Variants in ALDH3B2 observed in about 807,000 individuals in gnomAD.
ALDH3B2 encodes the protein aldehyde dehydrogenase family 3 member B2.
A neutral mutation model predicts 36.7 loss-of-function variants in ALDH3B2; 45 were observed. That is an observed-to-expected ratio of 1.23 (90% CI 0.97 to 1.57). The LOEUF is 1.57. Among genes scored for constraint, ALDH3B2 ranks in the 40% most tolerant of loss-of-function variants. The pLI is 0.00. For missense variants in ALDH3B2, 464 were observed against 513.3 expected, an observed-to-expected ratio of 0.90 and a Z score of 0.93; for synonymous variants, 217 against 226.5, an observed-to-expected ratio of 0.96 and a Z score of 0.38.
chr11:67,672,624 T>C (rs1856159538), intron 1 of ALDH3B2, among the ~76,000 whole-genome samples: 1 of 151,996 alleles, frequency 6.6e-6, no homozygotes, highest in African/African-American at 2.4e-5. Flanking sequence ...AGTCTCATTC[T>C]GTCACCCAGG....
At chr11:67,664,092 T>G in intron 8 of ALDH3B2, 1 of 562,330 alleles carries the variant, frequency 1.8e-6, no homozygotes, top group Non-Finnish European at 3.2e-6. Context: ...AGGCCCCTGC[T>G]CTGCTCTGTC....
chr11:67,673,479 A>T (rs1340839636), intron 1 of ALDH3B2, among the ~76,000 whole-genome samples: 1 of 152,206 alleles, frequency 6.6e-6, no homozygotes, highest in Non-Finnish European at 1.5e-5. Flanking sequence ...GGGAAGCCGT[A>T]GGGGAGGGCC....
chr11:67,676,600 G>T (rs1856277655), upstream of ALDH3B2, among the ~76,000 whole-genome samples: 1 of 151,748 alleles, frequency 6.6e-6, no homozygotes, highest in African/African-American at 2.4e-5. Context: ...AAATAACCAA[G>T]ATTAGAGCAG....
exon 10 of ALDH3B2, chr11:67,663,099 G>T: frequency 7.8e-7 from 1 of 1,288,206 alleles, no homozygotes; most frequent in Non-Finnish European, 1.1e-6. Context: ...GACAGCTCCA[G>T]CAACCTGAGG....
Position 67,663,449 on chromosome 11 carries a change from C to T in ALDH3B2, c.974-50G>A, listed in dbSNP as rs559217458. On this transcript the variant is annotated intron_variant, in intron 9 of 9. Transcript: ENST00000349015. ...CCTGAGACCAGGCAGCCCATGGAGC[C>T]CCAGCAGCAGCCCACTGCCCCGGCC... 1.2e-4 allele frequency: 189 copies of T among 1,574,698 alleles called. 1 individual carries two copies. The South Asian group carries it at 2.0e-3, about 17-fold the overall frequency.
At chr11:67,673,451 C>T (rs551990333) in intron 1 of ALDH3B2, among the ~76,000 whole-genome samples, 3 of 152,364 alleles carry the variant, frequency 2.0e-5, no homozygotes, top group South Asian at 4.1e-4. Context: ...AGACCCACCC[C>T]TGGCTCTGAC....
At chr11:67,663,396 T>C (rs1318689096) in exon 10 of ALDH3B2, 2 of 1,609,564 alleles carry the variant, frequency 1.2e-6, no homozygotes, top group Non-Finnish European at 1.7e-6. Context: ...CATCCCACTG[T>C]GGCCTGTGTG....
chr11:67,668,464 C>T (rs1285728281), intron 1 of ALDH3B2, among the ~76,000 whole-genome samples: 1 of 152,174 alleles, frequency 6.6e-6, no homozygotes, highest in Non-Finnish European at 1.5e-5. Flanking sequence ...TGCCAGGCAC[C>T]TAGCAACGGG....
chr11:67,678,765 G>A (rs1856316726), upstream of ALDH3B2, among the ~76,000 whole-genome samples: 4 of 145,470 alleles, frequency 2.7e-5, no homozygotes, highest in African/African-American at 5.1e-5. Flanking sequence ...ATATATACAC[G>A]CTATGGTATA....
intron 1 of ALDH3B2, chr11:67,671,068 C>T (rs1856096592): frequency 6.6e-6 from 1 of 152,554 alleles, no homozygotes; most frequent in Admixed American, 6.5e-5. Context: ...CTAACCTCTT[C>T]CATGGCTCCC....
chr11:67,663,312 A>T, exon 10 of ALDH3B2: 1 of 1,614,082 alleles, frequency 6.2e-7, no homozygotes, highest in Non-Finnish European at 8.5e-7. Context: ...TAATTTCTCC[A>T]GGCCGGAGGG....
chr11:67,667,027 G>C lies in ALDH3B2; in HGVS notation c.-81-11C>G. 6.5e-7 allele frequency: 1 copy of C among 1,548,772 alleles called. No individual in the cohort carries two copies. Among genetic ancestry groups the C allele is most frequent in the Non-Finnish European group, 8.9e-7 (1 of 1,123,252 alleles). On this transcript the variant is annotated splice_polypyrimidine_tract_variant and intron_variant, in intron 2 of 9. Coordinates refer to ENST00000349015, the Ensembl canonical transcript of ALDH3B2. ...TGCCTCGAAAGCTGGCTGTGGTGGA[G>C]GTGGAATTCAGAGTGGTCAGGCCCA...
upstream of ALDH3B2, among the ~76,000 whole-genome samples, chr11:67,675,411 T>C (rs1856246630): frequency 2.6e-5 from 4 of 152,296 alleles, no homozygotes; most frequent in South Asian, 8.3e-4. Context: ...CTGAGCACCT[T>C]CTAGGTTCCA....
Position 67,664,210 on chromosome 11 carries a change from G to C in ALDH3B2, c.873+186C>G, listed in dbSNP as rs57134963. 9.4e-3 allele frequency: 8,709 copies of C among 926,114 alleles called. 331 individuals are homozygous for C. In the African/African-American group the frequency reaches 0.095, roughly 10 times the overall value. The allele number at this position is 926,114 out of a possible 1,614,324, so 57.4% of individuals were successfully genotyped here. On this transcript the variant is annotated intron_variant, in intron 8 of 9. Coordinates refer to ENST00000349015, the Ensembl canonical transcript of ALDH3B2. ...GATGGACCCGCTAAGTGTCTGGTGG[G>C]TTTGGACCCTGTCCTCTCTGCCAGG... is the stretch of plus-strand genomic sequence containing the variant.
chr11:67,676,602 T>A (rs191743671), upstream of ALDH3B2, among the ~76,000 whole-genome samples: 1 of 151,204 alleles, frequency 6.6e-6, no homozygotes, highest in Admixed American at 6.6e-5. Context: ...ATAACCAAGA[T>A]TAGAGCAGAA....
exon 10 of ALDH3B2, chr11:67,662,700 C>T (rs1855776767): frequency 1.1e-5 from 2 of 174,240 alleles, no homozygotes; most frequent in Admixed American, 5.4e-5. Flanking sequence ...GTGCAGGGTG[C>T]GGTGTGAACC....
intron 7 of ALDH3B2, among the ~76,000 whole-genome samples, chr11:67,664,844 A>G (rs1049459849): frequency 2.8e-4 from 42 of 152,174 alleles, no homozygotes; most frequent in Admixed American, 2.7e-3. Flanking sequence ...AGAACCTTGG[A>G]GTTCATGAGG....
Position 67,662,676 on chromosome 11 carries a change from G to A in ALDH3B2, c.*539C>T, listed in dbSNP as rs114087729. 9.3e-3 allele frequency: 1,520 copies of A among 163,560 alleles called. 23 individuals carry two copies. Among genetic ancestry groups the A allele is most frequent in the African/African-American group, 0.034 (1,405 of 41,638 alleles). 10.1% of individuals were successfully genotyped at this position (163,560 alleles called of 1,614,324 possible). ...AACCCCAGTTTTCCCAGTGGATGGAGCTGCTGTGGGTGAGTGCAGGGTGCG... is the reference window on the plus strand; with the variant it reads ...AACCCCAGTTTTCCCAGTGGATGGAACTGCTGTGGGTGAGTGCAGGGTGCG... On this transcript the variant is annotated 3_prime_UTR_variant, in exon 10 of 10. Transcript: ENST00000349015.
At chr11:67,669,654 CTA>C (rs1856029264) in intron 1 of ALDH3B2, among the ~76,000 whole-genome samples, 1 of 134,132 alleles carries the variant, frequency 7.5e-6, no homozygotes, top group South Asian at 2.4e-4. Context: ...CCATGTGTGT[CTA>C]TGTGTGTATG....
Sources: allele counts gnomAD v4.1 joint callset (sites outside exome capture counted in the v4.1 genomes callset), GRCh38; gene constraint gnomAD v4.1.1; transcripts MANE v1.5; gene names NCBI Gene and HGNC (gene_info 2026-07-23, HGNC 2026-07-21).